Variants in PIWIL1 observed in about 807,000 individuals in gnomAD.
PIWIL1 encodes the protein piwi like RNA-mediated gene silencing 1.
Under a neutral mutation model 114.4 loss-of-function variants are expected in PIWIL1, and 73 were observed. The ratio of observed to expected loss-of-function variants is 0.64; its 90% CI spans 0.53 to 0.78. The LOEUF (loss-of-function observed/expected upper bound fraction) is 0.78. Among genes scored for constraint, PIWIL1 ranks in the 30% least tolerant of loss-of-function variants. The pLI, the probability that PIWIL1 is intolerant of heterozygous loss-of-function variation, is 0.00. For synonymous variants in PIWIL1, 375 were observed against 369.0 expected (o/e 1.02, Z -0.19); for missense variants, 723 against 1,063.1 (o/e 0.68, Z 4.45).
chr12:130,424,585 G>T, the PIWIL1 span: 1 of 1,231,980 alleles, frequency 8.1e-7, no homozygotes, highest in Non-Finnish European at 1.0e-6. This position sits in a 1 kb window ranked among gnomAD's most constrained non-coding sequence, Gnocchi z 9.8. Flanking sequence ...TCCTCCACGT[G>T]GGGGACGGCC....
At chr12:130,359,922 G>A (rs948642556) in intron 14 of PIWIL1, among the ~76,000 whole-genome samples, 5 of 152,170 alleles carry the variant, frequency 3.3e-5, no homozygotes, top group Non-Finnish European at 5.9e-5. Flanking sequence ...TTAGTTCAGC[G>A]ATTTCACTGA....
chr12:130,360,502 G>A (rs2073479910), intron 14 of PIWIL1, among the ~76,000 whole-genome samples: 1 of 152,144 alleles, frequency 6.6e-6, no homozygotes, highest in South Asian at 2.1e-4. Context: ...GCATGGTGGT[G>A]CGAACCTGTA....
At position 130,342,355 on chromosome 12, in the gene PIWIL1, T is replaced by C. The variant is rs1385202699; in HGVS notation, c.-12-225T>C. 9.4e-6 allele frequency: 5 copies of C among 533,496 alleles called. No individual in the cohort carries two copies. In the Admixed American group the frequency reaches 1.6e-4, roughly 18 times the overall value. The allele number at this position is 533,496 out of a possible 1,614,324, so 33.0% of individuals were successfully genotyped here. ...CTAAGTCTTATATTAAAATAGGTTT[T>C]CCCCTTTGGCCCTACTGCAGTGCCC... On this transcript the variant is annotated intron_variant, in intron 1 of 20. Transcript: ENST00000245255.
chr12:130,342,818 GA>G, intron 2 of PIWIL1, 149 bp downstream of exon 2: 1 of 747,908 alleles, frequency 1.3e-6, no homozygotes, highest in African/African-American at 1.8e-5. Flanking sequence ...ATTAGAAGCT[GA>G]TTCGTGACTT....
At chr12:130,360,446 G>A (rs1403027141) in intron 14 of PIWIL1, among the ~76,000 whole-genome samples, 3 of 152,000 alleles carry the variant, frequency 2.0e-5, no homozygotes, top group African/African-American at 4.8e-5. Context: ...CATCTTGGCC[G>A]ACACAATGAA....
the PIWIL1 span, among the ~76,000 whole-genome samples, chr12:130,417,402 G>T: frequency 2.6e-5 from 4 of 152,232 alleles, no homozygotes; most frequent in East Asian, 5.8e-4. Flanking sequence ...ATGCTATGCA[G>T]CCAGAGAAAT....
chr12:130,371,818 T>G lies in PIWIL1; in HGVS notation c.*220T>G. 1 of 314,556 alleles carries G rather than the reference T, an allele frequency of 3.2e-6. No individual in the cohort carries two copies. The highest frequency in any genetic ancestry group is 5.8e-6 in the Non-Finnish European group (1 of 173,020). The allele number at this position is 314,556 out of a possible 1,614,324, so 19.5% of individuals were successfully genotyped here. A position where few individuals can be genotyped will look rare whatever the true frequency, so the allele number is the denominator to read the frequency against. On this transcript the variant is annotated 3_prime_UTR_variant, in exon 21 of 21. Coordinates refer to ENST00000245255, the MANE Select transcript of PIWIL1 (RefSeq NM_004764.5). The stretch of plus-strand genomic sequence containing the variant: ...TTTATCTTCTTGTTTCTCATAGATA[T>G]TTTGTGAGCATTTTTTTGTTTATTT...
the PIWIL1 span, among the ~76,000 whole-genome samples, chr12:130,415,934 A>T: frequency 7.4e-3 from 1,120 of 151,578 alleles, 81 homozygotes; most frequent in East Asian, 0.19. Context: ...GAGCCAAATC[A>T]TGAATGCAAT....
chr12:130,385,219 T>C, the PIWIL1 span, among the ~76,000 whole-genome samples: 9 of 152,388 alleles, frequency 5.9e-5, no homozygotes, highest in East Asian at 1.7e-3. Context: ...TCCACAGTGC[T>C]GCAGATTTAT....
chr12:130,373,164 AAC>A (rs1459297738), downstream of PIWIL1, among the ~76,000 whole-genome samples: 1 of 152,250 alleles, frequency 6.6e-6, no homozygotes, highest in African/African-American at 2.4e-5. Flanking sequence ...GAAGACAAGA[AAC>A]ACAGAACAGT....
At position 130,355,660 on chromosome 12, in the gene PIWIL1, GA is replaced by G; in HGVS notation, c.1402del (p.Thr468HisfsTer20). 2 of 1,608,804 alleles carry G rather than the reference GA, an allele frequency of 1.2e-6. No homozygotes were observed. Among genetic ancestry groups the G allele is most frequent in the Non-Finnish European group, 1.7e-6 (2 of 1,175,156 alleles). Reference protein sequence around the residue: ...ILQTEKIHQGGKTFDYNPQFA... With the variant: ...ILQTEKIHQGXKTFDYNPQFA... ...CAAACAGAAAAGATTCACCAAGGTGGAAAAACAGTAAGGCAGTTTTTCGTTG... is the reference window on the plus strand; with the variant it reads ...CAAACAGAAAAGATTCACCAAGGTGGAAAACAGTAAGGCAGTTTTTCGTTG... On this transcript the variant is annotated frameshift_variant, in exon 12 of 21. Transcript: ENST00000245255. LOFTEE classifies it high-confidence loss of function.
the PIWIL1 span, among the ~76,000 whole-genome samples, chr12:130,392,123 G>A: frequency 7.0e-4 from 16 of 22,934 alleles, no homozygotes; most frequent in South Asian, 1.3e-3. Flanking sequence ...GTGATGACCC[G>A]GTCACCGTCA....
the PIWIL1 span, among the ~76,000 whole-genome samples, chr12:130,403,682 G>A: frequency 6.6e-6 from 1 of 152,058 alleles, no homozygotes; most frequent in African/African-American, 2.4e-5. Context: ...CTAAAGCATA[G>A]AAAAAGGTTG....
At chr12:130,364,070 A>C (rs1740218021) in intron 18 of PIWIL1, among the ~76,000 whole-genome samples, 1 of 152,234 alleles carries the variant, frequency 6.6e-6, no homozygotes, top group African/African-American at 2.4e-5. Flanking sequence ...AATGTGTACC[A>C]TCGCAAGAGA....
chr12:130,343,842 C>T (rs951621004), intron 3 of PIWIL1, among the ~76,000 whole-genome samples: 68 of 151,974 alleles, frequency 4.5e-4, no homozygotes, highest in African/African-American at 1.7e-4. Context: ...TTAGCCAGGA[C>T]GGTCTCGATC....
intron 3 of PIWIL1, chr12:130,345,550 G>A (rs2073046986): frequency 3.8e-6 from 2 of 522,916 alleles, no homozygotes. Flanking sequence ...ACAGTGACAA[G>A]GCCTTTATGA....
the PIWIL1 span, among the ~76,000 whole-genome samples, chr12:130,400,120 A>C: frequency 6.6e-6 from 1 of 152,104 alleles, no homozygotes; most frequent in South Asian, 2.1e-4. Context: ...TCCTTGGCAG[A>C]TCTCATTTAG....
At position 130,338,010 on chromosome 12, in the gene PIWIL1, C is replaced by G. The variant is rs1414889177; in HGVS notation, c.-149C>G. The G allele has an allele frequency of 1.2e-5, 2 of 172,894 alleles. No individual in the cohort carries two copies. Among genetic ancestry groups the G allele is most frequent in the Non-Finnish European group, 1.2e-5 (1 of 81,888 alleles). 10.7% of individuals were successfully genotyped at this position (172,894 alleles called of 1,614,324 possible). A position where few individuals can be genotyped will look rare whatever the true frequency, so the allele number is the denominator to read the frequency against. ...CCTGGCTCTCTCGGGAACCCAGCGCCGAAGGCGAGGTGGGCGCGGGCCGAA... is the reference window on the plus strand; with the variant it reads ...CCTGGCTCTCTCGGGAACCCAGCGCGGAAGGCGAGGTGGGCGCGGGCCGAA... On this transcript the variant is annotated 5_prime_UTR_variant, in exon 1 of 21. Transcript: ENST00000245255.
the PIWIL1 span, among the ~76,000 whole-genome samples, chr12:130,384,997 C>T: frequency 6.6e-6 from 1 of 152,288 alleles, no homozygotes; most frequent in East Asian, 1.9e-4. Context: ...ACAATAAACA[C>T]AACATCTCTT....
Sources: allele counts gnomAD v4.1 joint callset (sites outside exome capture counted in the v4.1 genomes callset), GRCh38; gene constraint gnomAD v4.1.1; non-coding constraint Gnocchi (gnomAD v3.1); transcripts MANE v1.5; gene names NCBI Gene and HGNC (gene_info 2026-07-23, HGNC 2026-07-21).